Variants in HTT observed in about 807,000 individuals in gnomAD.
HTT encodes the protein huntingtin, also known as huntington disease protein.
Under a neutral mutation model 362.3 loss-of-function variants are expected in HTT, and 104 were observed. The observed-to-expected ratio is 0.29, with a 90% CI of 0.24 to 0.34. HTT has a LOEUF of 0.34. Ranked by LOEUF, HTT falls within the 10% of genes least tolerant of loss-of-function variation. The probability of loss-of-function intolerance (pLI) is 1.00; values close to 1 mark genes in which losing one functional copy is unlikely to be tolerated. For missense variants in HTT, 3,301 were observed against 3,928.6 expected (o/e 0.84, Z 4.27); for synonymous variants, 1,577 against 1,548.7 (o/e 1.02, Z -0.43).
chr4:3,239,597 G>A (rs1327371289), intron 66 of HTT, among the ~76,000 whole-genome samples: 2 of 152,248 alleles, frequency 1.3e-5, no homozygotes, highest in African/African-American at 2.4e-5. Flanking sequence ...CTGCACAGGA[G>A]CCAGGCCAGG....
chr4:3,161,070 C>G (rs187539985), intron 29 of HTT, among the ~76,000 whole-genome samples: 79 of 152,238 alleles, frequency 5.2e-4, no homozygotes, highest in Admixed American at 1.1e-3. Flanking sequence ...ATCCCTCCCC[C>G]AGTCCCCTCA....
intron 49 of HTT, among the ~76,000 whole-genome samples, chr4:3,213,681 G>T (rs1443432023): frequency 6.6e-6 from 1 of 152,232 alleles, no homozygotes; most frequent in Non-Finnish European, 1.5e-5. Context: ...TGGCCACGTA[G>T]CCCAGGAGAG....
chr4:3,140,624 T>A lies in HTT; in HGVS notation c.2913T>A (p.Pro971=). The A allele has an allele frequency of 6.2e-7, 1 of 1,614,116 alleles. No individual in the cohort carries two copies. The highest frequency in any genetic ancestry group is 8.5e-7 in the Non-Finnish European group (1 of 1,179,972). ...AACTTCTCATGCATGAGACGCAGCC[T>A]CCATCTCATTTCTCCGTCAGCACAA... The part of the protein sequence containing the change: ...YLKLLMHETQ[P]PSHFSVSTIT... Residue 971 remains proline, a synonymous_variant, in exon 22 of 67, where the codon CCT becomes CCA. Transcript: ENST00000355072.
intron 29 of HTT, among the ~76,000 whole-genome samples, chr4:3,166,943 C>T (rs949039167): frequency 6.6e-6 from 1 of 152,246 alleles, no homozygotes; most frequent in Non-Finnish European, 1.5e-5. Context: ...CCGTGGGCTG[C>T]ACCCACTGTC....
intron 35 of HTT, 134 bp from the exon 36 acceptor site, chr4:3,180,381 T>A: frequency 1.5e-6 from 1 of 656,872 alleles, no homozygotes; most frequent in Non-Finnish European, 2.4e-6. Flanking sequence ...TAACCTTAAT[T>A]CATCTCTTAC....
chr4:3,155,759 A>T (rs1317111217), intron 27 of HTT, among the ~76,000 whole-genome samples: 1 of 146,160 alleles, frequency 6.8e-6, no homozygotes, highest in Non-Finnish European at 1.5e-5. Flanking sequence ...AAAGCCGGGC[A>T]TGGTGGCTCG....
At chr4:3,127,224 T>C (rs746654141) in intron 11 of HTT, 40 bp from the exon 12 acceptor site, 3 of 1,474,422 alleles carry the variant, frequency 2.0e-6, no homozygotes, top group African/African-American at 2.8e-5. Context: ...TTGAATGTTT[T>C]CTCTCGCCAT....
intron 6 of HTT, among the ~76,000 whole-genome samples, chr4:3,108,635 G>A (rs1170038127): frequency 1.3e-5 from 2 of 152,146 alleles, no homozygotes; most frequent in Non-Finnish European, 2.9e-5. Context: ...CACCATTTGA[G>A]TATGATGATG....
chr4:3,208,007 C>G (rs1276431451), intron 45 of HTT, among the ~76,000 whole-genome samples: 2 of 152,130 alleles, frequency 1.3e-5, no homozygotes, highest in Admixed American at 1.3e-4. Flanking sequence ...AATTATCATG[C>G]TGTGTACTTT....
chr4:3,226,234 G>A (rs1028457320), intron 57 of HTT, among the ~76,000 whole-genome samples: 21 of 152,214 alleles, frequency 1.4e-4, no homozygotes, highest in South Asian at 2.1e-4. Context: ...TGGGAGCCCC[G>A]TGTGCAGGCA....
intron 6 of HTT, among the ~76,000 whole-genome samples, chr4:3,113,444 C>T (rs1714863275): frequency 6.6e-6 from 1 of 152,112 alleles, no homozygotes; most frequent in African/African-American, 2.4e-5. Flanking sequence ...ATTCTTGTGC[C>T]TCAGCTTCTC....
intron 29 of HTT, among the ~76,000 whole-genome samples, chr4:3,163,289 G>T (rs1056409431): frequency 6.6e-6 from 1 of 152,162 alleles, no homozygotes; most frequent in African/African-American, 2.4e-5. Flanking sequence ...CTTGATTGTG[G>T]TGGATAAGCT....
At chr4:3,160,482 C>A in intron 29 of HTT, 90 bp downstream of exon 29, 2 of 905,194 alleles carry the variant, frequency 2.2e-6, no homozygotes, top group South Asian at 2.8e-5. Flanking sequence ...GAGCCTGGTT[C>A]TCCAGGGTGC....
chr4:3,207,289 GGCCCAGTT>G lies in HTT; in HGVS notation c.6088_6095del (p.Gln2030AsnfsTer40), dbSNP rs1719913334. The G allele has an allele frequency of 6.2e-7, 1 of 1,613,656 alleles. No individual in the cohort carries two copies. Among genetic ancestry groups the G allele is most frequent in the African/African-American group, 1.3e-5 (1 of 74,894 alleles). ...GTGTTTTTGTCTATTAGAGCAGCAT[GGCCCAGTT>G]GCCAATGGAAGAACTCAACAGAATC... On this transcript the variant is annotated frameshift_variant, in exon 45 of 67. Coordinates refer to ENST00000355072, the MANE Select transcript of HTT (RefSeq NM_001388492.1). LOFTEE classifies it high-confidence loss of function.
At chr4:3,153,725 C>G (rs1317879031) in intron 26 of HTT, among the ~76,000 whole-genome samples, 2 of 152,038 alleles carry the variant, frequency 1.3e-5, no homozygotes, top group Non-Finnish European at 2.9e-5. Context: ...AGTTCGAGAC[C>G]AGCCTGGGCA....
At chr4:3,105,551 C>A (rs543273569) in intron 5 of HTT, 115 bp downstream of exon 5, 1 of 725,402 alleles carries the variant, frequency 1.4e-6, no homozygotes. Context: ...AAATTGCAGT[C>A]GACCTTGCCC....
chr4:3,224,271 T>G, intron 56 of HTT, 140 bp downstream of exon 56: 1 of 821,676 alleles, frequency 1.2e-6, no homozygotes, highest in Non-Finnish European at 1.9e-6. Context: ...ACGCTGCCCC[T>G]TTCATAAGCA....
At chr4:3,153,205 A>G (rs1489510642) in intron 26 of HTT, among the ~76,000 whole-genome samples, 1 of 152,006 alleles carries the variant, frequency 6.6e-6, no homozygotes, top group African/African-American at 2.4e-5. Flanking sequence ...GGGGCCTCTT[A>G]TATATGGATG....
intron 21 of HTT, among the ~76,000 whole-genome samples, chr4:3,139,650 T>G (rs1404042788): frequency 1.3e-5 from 2 of 152,230 alleles, no homozygotes; most frequent in Non-Finnish European, 2.9e-5. Context: ...ATGGCAGATA[T>G]GAACCCTTTT....
Sources: gnomAD v4.1 joint callset for allele counts (sites outside exome capture counted in the v4.1 genomes callset) on GRCh38, gnomAD v4.1.1 for gene constraint, MANE v1.5 for transcripts, NCBI Gene and HGNC (gene_info 2026-07-23, HGNC 2026-07-21) for gene names.